SGCZ: variants seen among roughly 807,000 people sequenced by gnomAD.
SGCZ encodes sarcoglycan zeta.
A neutral mutation model predicts 41.3 loss-of-function variants in SGCZ; 40 were observed. That is an observed-to-expected ratio of 0.97 (90% CI 0.75 to 1.26). The LOEUF is 1.26. SGCZ is among the 50% of genes most tolerant of loss of function. The pLI, the probability that SGCZ is intolerant of heterozygous loss-of-function variation, is 0.00. For synonymous variants in SGCZ, 206 were observed against 137.5 expected (o/e 1.50, Z -3.49); for missense variants, 552 against 369.8 (o/e 1.49, Z -4.04).
At chr8:14,183,619 T>C (rs1469816004) in intron 4 of SGCZ, among the ~76,000 whole-genome samples, 1 of 152,188 alleles carries the variant, frequency 6.6e-6, no homozygotes, top group Non-Finnish European at 1.5e-5. Context: ...TCAGCATAGT[T>C]ACAAAAATTG....
In SGCZ at chr8:15,228,773, G is replaced by A. The variant is rs144402122; in HGVS notation, c.39+8812C>T. 4.6e-3 allele frequency among the ~76,000 whole-genome samples: 696 copies of A among 152,258 alleles called. 3 individuals carry two copies. The highest frequency in any genetic ancestry group is 0.016 in the African/African-American group (665 of 41,560). On this transcript the variant is annotated intron_variant, in intron 1 of 7. Coordinates refer to ENST00000382080, the MANE Select transcript of SGCZ (RefSeq NM_139167.4). ...GTCTTTTACTTTAGGTATATAGTGG[G>A]TTTCATTTTGTGGCACACGAGTTCA...
chr8:15,046,282 G>C (rs1804298977), intron 1 of SGCZ, among the ~76,000 whole-genome samples: 1 of 151,992 alleles, frequency 6.6e-6, no homozygotes, highest in African/African-American at 2.4e-5. Context: ...ACAAGTATTT[G>C]AGTTATTAGT....
intron 2 of SGCZ, among the ~76,000 whole-genome samples, chr8:14,540,176 CTA>C (rs1284726068): frequency 1.4e-5 from 2 of 139,246 alleles, no homozygotes; most frequent in African/African-American, 2.7e-5. Flanking sequence ...AAGATTGGTG[CTA>C]TATTTTTACT....
At chr8:14,519,522 A>T (rs562179407) in intron 2 of SGCZ, among the ~76,000 whole-genome samples, 1 of 152,136 alleles carries the variant, frequency 6.6e-6, no homozygotes, top group Non-Finnish European at 1.5e-5. Flanking sequence ...ATGTTAAAAA[A>T]CACTTTATAT....
chr8:14,648,479 C>A (rs1267787417), intron 1 of SGCZ, among the ~76,000 whole-genome samples: 1 of 151,898 alleles, frequency 6.6e-6, no homozygotes, highest in Admixed American at 6.6e-5. Context: ...ATGTTTAGTA[C>A]ATTGTGACAT....
At chr8:14,409,831 A>T (rs1175461569) in intron 2 of SGCZ, among the ~76,000 whole-genome samples, 1 of 152,194 alleles carries the variant, frequency 6.6e-6, no homozygotes, top group Admixed American at 6.6e-5. Context: ...AATATAAACA[A>T]TTTGGAAACA....
chr8:15,225,945 C>T (rs778321106), intron 1 of SGCZ, among the ~76,000 whole-genome samples: 2 of 152,092 alleles, frequency 1.3e-5, no homozygotes, highest in Non-Finnish European at 2.9e-5. Context: ...GATCTATGCA[C>T]ATCTACATTG....
At chr8:14,850,784 T>C (rs1237645375) in intron 1 of SGCZ, among the ~76,000 whole-genome samples, 2 of 152,066 alleles carry the variant, frequency 1.3e-5, no homozygotes, top group Non-Finnish European at 2.9e-5. Flanking sequence ...TGATAGTGAG[T>C]GAGTTCTCAG....
chr8:15,047,953 C>A (rs1196766330), intron 1 of SGCZ, among the ~76,000 whole-genome samples: 4 of 151,866 alleles, frequency 2.6e-5, no homozygotes, highest in Non-Finnish European at 5.9e-5. Flanking sequence ...AAAAATAGAA[C>A]TACCATATGA....
intron 1 of SGCZ, among the ~76,000 whole-genome samples, chr8:15,109,702 A>G (rs1366528581): frequency 6.6e-6 from 1 of 152,178 alleles, no homozygotes; most frequent in African/African-American, 2.4e-5. Flanking sequence ...ATACTCACAG[A>G]GTTCTGGGTA....
At chr8:15,029,469 C>G (rs1459566664) in intron 1 of SGCZ, among the ~76,000 whole-genome samples, 2 of 151,950 alleles carry the variant, frequency 1.3e-5, no homozygotes, top group East Asian at 3.9e-4. Context: ...AGCTTGGGCC[C>G]TTAAAATCAG....
At chr8:14,567,990 T>C (rs544373814) in intron 1 of SGCZ, among the ~76,000 whole-genome samples, 2 of 152,310 alleles carry the variant, frequency 1.3e-5, no homozygotes, top group Non-Finnish European at 2.9e-5. Context: ...GGCTCCATTA[T>C]TGAAGTCAGT....
intron 1 of SGCZ, among the ~76,000 whole-genome samples, chr8:14,865,762 T>G (rs544414876): frequency 2.0e-5 from 3 of 152,250 alleles, no homozygotes; most frequent in African/African-American, 7.2e-5. Flanking sequence ...CTTAGCCTCT[T>G]TCTTTTTTAC....
intron 1 of SGCZ, among the ~76,000 whole-genome samples, chr8:14,886,349 C>G (rs1470444165): frequency 1.3e-5 from 2 of 151,824 alleles, no homozygotes; most frequent in African/African-American, 4.8e-5. Context: ...AAAATATAAA[C>G]ATGATAAAAT....
intron 1 of SGCZ, among the ~76,000 whole-genome samples, chr8:15,044,512 AATG>A (rs1214842415): frequency 6.6e-6 from 1 of 152,166 alleles, no homozygotes; most frequent in Admixed American, 6.6e-5. Context: ...CAGAATCAGG[AATG>A]ATTATTTTAA....
At chr8:14,275,218 C>T (rs148648936) in intron 3 of SGCZ, among the ~76,000 whole-genome samples, 110 of 152,204 alleles carry the variant, frequency 7.2e-4, no homozygotes, top group Non-Finnish European at 1.3e-3. Flanking sequence ...AGTATGGAAA[C>T]GAAATGTAAA....
chr8:15,184,574 G>A (rs568673492), intron 1 of SGCZ, among the ~76,000 whole-genome samples: 230 of 151,594 alleles, frequency 1.5e-3, no homozygotes, highest in Non-Finnish European at 2.9e-3. Flanking sequence ...CATCACCCTA[G>A]ATCTCTTGCA....
intron 1 of SGCZ, among the ~76,000 whole-genome samples, chr8:14,888,207 C>T (rs200765744): frequency 2.0e-5 from 3 of 152,082 alleles, no homozygotes; most frequent in South Asian, 4.1e-4. Context: ...TAGTAGTGAC[C>T]TTTATCCTTA....
At chr8:14,159,690 G>T (rs1018008959) in intron 5 of SGCZ, among the ~76,000 whole-genome samples, 6 of 152,078 alleles carry the variant, frequency 3.9e-5, no homozygotes, top group Non-Finnish European at 7.4e-5. Context: ...TTTCTTCATG[G>T]GTTGTTTGAA....
Sources: allele counts gnomAD v4.1 joint callset (sites outside exome capture counted in the v4.1 genomes callset), GRCh38; gene constraint gnomAD v4.1.1; transcripts MANE v1.5; gene names NCBI Gene and HGNC (gene_info 2026-07-23, HGNC 2026-07-21).